Variants in MAP2K5 observed in about 807,000 individuals in gnomAD.
MAP2K5 encodes the protein dual specificity mitogen-activated protein kinase kinase 5.
In MAP2K5, 49 loss-of-function variants were observed where a neutral mutation model predicts 83.1. That is an observed-to-expected ratio of 0.59 (90% CI 0.47 to 0.75). MAP2K5 has a LOEUF of 0.75. MAP2K5 is among the 30% of genes least tolerant of loss of function. The pLI, the probability that MAP2K5 is intolerant of heterozygous loss-of-function variation, is 0.00. For synonymous variants in MAP2K5, 202 were observed against 191.8 expected, an observed-to-expected ratio of 1.05 and a Z score of -0.44; for missense variants, 457 against 557.5, an observed-to-expected ratio of 0.82 and a Z score of 1.82.
At chr15:67,741,374 C>T (rs2089488188) in intron 17 of MAP2K5, among the ~76,000 whole-genome samples, 1 of 152,194 alleles carries the variant, frequency 6.6e-6, no homozygotes, top group South Asian at 2.1e-4. Flanking sequence ...CTTGACTCAG[C>T]AATTCATATT....
In MAP2K5 at chr15:67,724,266, C is replaced by T. The variant is rs1357594924; in HGVS notation, c.1045-3650C>T. Among the ~76,000 whole-genome samples, 2 of 152,190 alleles carry T rather than the reference C, an allele frequency of 1.3e-5. No homozygotes were observed. The highest frequency in any genetic ancestry group is 2.9e-5 in the Non-Finnish European group (2 of 68,030). Reference sequence around the variant, plus strand: ...AATAGACCAGTAGGGGTAAAAGATACAGAATGGCCCCAGGTCTGCCTGTGT... The same window carrying T: ...AATAGACCAGTAGGGGTAAAAGATATAGAATGGCCCCAGGTCTGCCTGTGT... On this transcript the variant is annotated intron_variant, in intron 16 of 21. Transcript: ENST00000178640. The surrounding 1 kb of genome is among the most constrained non-coding windows in gnomAD (Gnocchi z 4.4).
At chr15:67,658,711 A>T in intron 12 of MAP2K5, 97 bp downstream of exon 12, 2 of 1,101,148 alleles carry the variant, frequency 1.8e-6, no homozygotes, top group Non-Finnish European at 2.7e-6. Flanking sequence ...CTTGTTCTTC[A>T]ATCCCAGTTG....
chr15:67,806,019 C>A (rs1011369552), intron 21 of MAP2K5, among the ~76,000 whole-genome samples: 3 of 152,148 alleles, frequency 2.0e-5, no homozygotes, highest in Non-Finnish European at 4.4e-5. Flanking sequence ...GGCCACAGGG[C>A]AACAGGGCCG....
intron 12 of MAP2K5, among the ~76,000 whole-genome samples, chr15:67,660,310 G>C (rs1247929812): frequency 6.6e-6 from 1 of 151,988 alleles, no homozygotes; most frequent in Non-Finnish European, 1.5e-5. Flanking sequence ...TCCTGAGTAG[G>C]CTACAAATTT....
At chr15:67,660,944 G>A in intron 12 of MAP2K5, among the ~76,000 whole-genome samples, 1 of 151,830 alleles carries the variant, frequency 6.6e-6, no homozygotes, top group East Asian at 1.9e-4. Context: ...TTATGAATGA[G>A]AGAATAGTGG....
Position 67,801,168 on chromosome 15 carries a change from G to A in MAP2K5, c.1243-5478G>A, listed in dbSNP as rs2090699867. ...AAGTGTTATCACAGCCAAGCGGGCTGGAATCCTAAAGGGAGATGCATAGAG... is the reference window on the plus strand; with the variant it reads ...AAGTGTTATCACAGCCAAGCGGGCTAGAATCCTAAAGGGAGATGCATAGAG... On this transcript the variant is annotated intron_variant, in intron 21 of 21. Coordinates refer to ENST00000178640, the MANE Select transcript of MAP2K5 (RefSeq NM_145160.3). This position sits in a 1 kb window ranked among gnomAD's most constrained non-coding sequence, Gnocchi z 4.8. Among the ~76,000 whole-genome samples, 1 of 152,128 alleles carries A rather than the reference G, an allele frequency of 6.6e-6. No homozygotes were observed. The highest frequency in any genetic ancestry group is 1.5e-5 in the Non-Finnish European group (1 of 68,040).
chr15:67,711,558 A>T (rs994109486), intron 16 of MAP2K5, among the ~76,000 whole-genome samples: 5 of 152,256 alleles, frequency 3.3e-5, no homozygotes. Context: ...TTTACATTTG[A>T]ATCAGACTGC....
chr15:67,632,654 A>G (rs1349935683), intron 9 of MAP2K5, among the ~76,000 whole-genome samples: 1 of 152,314 alleles, frequency 6.6e-6, no homozygotes, highest in East Asian at 1.9e-4. Context: ...TTCATCTCCA[A>G]TATGCCTTTT....
intron 8 of MAP2K5, among the ~76,000 whole-genome samples, chr15:67,614,651 T>A (rs2086012848): frequency 6.6e-6 from 1 of 152,200 alleles, no homozygotes; most frequent in Non-Finnish European, 1.5e-5. Context: ...TTAGACCATA[T>A]ATTAAAAGAC....
intron 13 of MAP2K5, among the ~76,000 whole-genome samples, chr15:67,689,995 T>G (rs1056510607): frequency 9.2e-5 from 14 of 152,306 alleles, no homozygotes; most frequent in African/African-American, 3.4e-4. Context: ...TAAACTTTGT[T>G]AAAACATTAT....
chr15:67,563,278 A>C lies in MAP2K5; in HGVS notation c.185-5A>C, dbSNP rs2084776154. 6.2e-7 allele frequency: 1 copy of C among 1,609,992 alleles called. No individual in the cohort carries two copies. ...TTATCATTTGCATTATGTGCTTTTAAACAGATGAAGATGAAGATGGTGATC... is the reference window on the plus strand; with the variant it reads ...TTATCATTTGCATTATGTGCTTTTACACAGATGAAGATGAAGATGGTGATC... On this transcript the variant is annotated splice_region_variant and splice_polypyrimidine_tract_variant and intron_variant, in intron 2 of 21. Transcript: ENST00000178640. This position sits in a 1 kb window ranked among gnomAD's most constrained non-coding sequence, Gnocchi z 4.5.
intron 7 of MAP2K5, among the ~76,000 whole-genome samples, chr15:67,597,354 G>A (rs770943302): frequency 6.6e-6 from 1 of 152,136 alleles, no homozygotes; most frequent in African/African-American, 2.4e-5. Context: ...TTACCATCCT[G>A]TGGGCCAGTG....
chr15:67,755,292 A>G lies in MAP2K5; in HGVS notation c.1134+6691A>G, dbSNP rs1205892824. On this transcript the variant is annotated intron_variant, in intron 19 of 21. Transcript: ENST00000178640. The surrounding 1 kb of genome is among the most constrained non-coding windows in gnomAD (Gnocchi z 4.7). ...CACTCCTGGCTTTTAGAAGCTTTTT[A>G]GTAACATTGTTATAAAGTAGGCTCT... Among the ~76,000 whole-genome samples the G allele has an allele frequency of 6.6e-6, 1 of 152,072 alleles. No individual in the cohort carries two copies. The highest frequency in any genetic ancestry group is 1.5e-5 in the Non-Finnish European group (1 of 68,000).
chr15:67,600,995 T>C (rs540436513), intron 8 of MAP2K5, among the ~76,000 whole-genome samples: 1 of 152,180 alleles, frequency 6.6e-6, no homozygotes, highest in Non-Finnish European at 1.5e-5. Flanking sequence ...CATTAGTAAG[T>C]GTACCTTTAA....
At chr15:67,613,513 T>C (rs750298625) in intron 8 of MAP2K5, among the ~76,000 whole-genome samples, 1 of 152,210 alleles carries the variant, frequency 6.6e-6, no homozygotes, top group Non-Finnish European at 1.5e-5. Flanking sequence ...AACACTGTAA[T>C]GCAGGATGAA....
chr15:67,579,945 G>T (rs190512331), intron 3 of MAP2K5, among the ~76,000 whole-genome samples: 48 of 152,210 alleles, frequency 3.2e-4, no homozygotes, highest in African/African-American at 1.1e-3. Context: ...TTTTCATTGT[G>T]GATATTTTTC....
At chr15:67,553,157 A>C (rs771521764) in intron 2 of MAP2K5, among the ~76,000 whole-genome samples, 31 of 152,154 alleles carry the variant, frequency 2.0e-4, no homozygotes, top group Non-Finnish European at 4.4e-4. Context: ...TGAGTCTGTG[A>C]AATAGGAAAA....
At chr15:67,673,252 CA>C (rs956813740) in intron 13 of MAP2K5, among the ~76,000 whole-genome samples, 6 of 151,462 alleles carry the variant, frequency 4.0e-5, no homozygotes, top group Admixed American at 6.6e-5. Flanking sequence ...CCGGAAGTTG[CA>C]AAAAAATGCA....
In MAP2K5 at chr15:67,676,418, A is replaced by G. The variant is rs2141176057; in HGVS notation, c.847+11773A>G. Reference sequence around the variant, plus strand: ...TCTTTTGTTCCCCTTTCTCGTATTAAAGTAAGAGATTTATCCTTGGGACAT... The same window carrying G: ...TCTTTTGTTCCCCTTTCTCGTATTAGAGTAAGAGATTTATCCTTGGGACAT... On this transcript the variant is annotated intron_variant, in intron 13 of 21. Coordinates refer to ENST00000178640, the MANE Select transcript of MAP2K5 (RefSeq NM_145160.3). This position sits in a 1 kb window ranked among gnomAD's most constrained non-coding sequence, Gnocchi z 4.8. Among the ~76,000 whole-genome samples, 1 of 152,220 alleles carries G rather than the reference A, an allele frequency of 6.6e-6. No homozygotes were observed. Among genetic ancestry groups the G allele is most frequent in the East Asian group, 1.9e-4 (1 of 5,174 alleles).
Sources: gnomAD v4.1 joint callset for allele counts (sites outside exome capture counted in the v4.1 genomes callset) on GRCh38, gnomAD v4.1.1 for gene constraint, Gnocchi (gnomAD v3.1) non-coding constraint, MANE v1.5 for transcripts, NCBI Gene and HGNC (gene_info 2026-07-23, HGNC 2026-07-21) for gene names.